Variants in FANCI observed in about 807,000 individuals in gnomAD.
FANCI encodes Fanconi anemia group I protein.
Under a neutral mutation model 176.1 loss-of-function variants are expected in FANCI, and 156 were observed. The ratio of observed to expected loss-of-function variants is 0.89; its 90% CI spans 0.78 to 1.01. The LOEUF (loss-of-function observed/expected upper bound fraction) is 1.01, where lower values mean the gene tolerates loss of function less well. FANCI is among the 50% of genes least tolerant of loss of function. The pLI is 0.00. For missense variants in FANCI, 1,678 were observed against 1,534.1 expected (o/e 1.09, Z -1.57); for synonymous variants, 613 against 541.7 (o/e 1.13, Z -1.83).
intron 34 of FANCI, among the ~76,000 whole-genome samples, chr15:89,312,393 C>T (rs962527257): frequency 1.3e-5 from 2 of 152,218 alleles, no homozygotes; most frequent in Admixed American, 6.5e-5. Flanking sequence ...AACCTCTCAA[C>T]AACTAAAAAA....
At chr15:89,273,224 AG>A (rs1180524736) in intron 10 of FANCI, among the ~76,000 whole-genome samples, 152 bp from the exon 11 acceptor site, 1 of 151,112 alleles carries the variant, frequency 6.6e-6, no homozygotes, top group Admixed American at 6.6e-5. Context: ...GGATCCGTTG[AG>A]CCTGGGAAAT....
chr15:89,300,117 C>T (rs1193916176), intron 25 of FANCI, 151 bp downstream of exon 25: 4 of 1,036,372 alleles, frequency 3.9e-6, no homozygotes, highest in Non-Finnish European at 6.0e-6. Flanking sequence ...TTGGTACCTA[C>T]TGGATTACAT....
Position 89,282,976 on chromosome 15 carries a change from C to G in FANCI, c.1584-160C>G. ...CTGTACTATAAATTGCTTTGAACAG[C>G]TGATACCTTATTTTGAGTACATAAA... On this transcript the variant is annotated intron_variant, in intron 16 of 37. Coordinates refer to ENST00000310775, the MANE Select transcript of FANCI (RefSeq NM_001113378.2). 8.2e-6 allele frequency: 6 copies of G among 729,214 alleles called. No individual in the cohort carries two copies. In the Middle Eastern group the frequency reaches 1.4e-3, roughly 167 times the overall value. The allele number at this position is 729,214 out of a possible 1,614,324, so 45.2% of individuals were successfully genotyped here.
rs2053317932 is a variant in FANCI, at chr15:89,274,197, A to G, written c.1005A>G (p.Val335=). ...TTGATCTTTTAAAGACTTCGGTTGTAAAGAGCTTTAAGGATCTTCAACTCC... is the reference window on the plus strand; with the variant it reads ...TTGATCTTTTAAAGACTTCGGTTGTGAAGAGCTTTAAGGATCTTCAACTCC... ...QVLDLLKTSV[V]KSFKDLQLLQ... Residue 335 remains valine (V), a synonymous_variant, in exon 12 of 38, where the codon GTA becomes GTG. Coordinates refer to ENST00000310775, the MANE Select transcript of FANCI (RefSeq NM_001113378.2). 1 of 1,592,386 alleles carries G rather than the reference A, an allele frequency of 6.3e-7. No homozygotes were observed. Among genetic ancestry groups the G allele is most frequent in the Non-Finnish European group, 8.6e-7 (1 of 1,168,182 alleles).
intron 17 of FANCI, among the ~76,000 whole-genome samples, chr15:89,284,579 A>G (rs1162273345): frequency 1.3e-5 from 2 of 152,234 alleles, no homozygotes; most frequent in Non-Finnish European, 2.9e-5. Context: ...TATGAACTAC[A>G]TTACTGTGAT....
chr15:89,245,140 TAAC>T (rs72001062), intron 1 of FANCI: 10,158 of 150,796 alleles, frequency 0.067, 1,122 homozygotes, highest in African/African-American at 0.23. Context: ...GGGGAACGTT[TAAC>T]AACCTATACT....
chr15:89,274,064 G>A, intron 11 of FANCI, 104 bp from the exon 12 acceptor site: 1 of 853,496 alleles, frequency 1.2e-6, no homozygotes, highest in East Asian at 2.7e-5. Flanking sequence ...TTTATAGCAT[G>A]AGCTATATAA....
chr15:89,280,881 TAAG>T (rs976030065), intron 14 of FANCI, among the ~76,000 whole-genome samples: 4 of 152,228 alleles, frequency 2.6e-5, no homozygotes, highest in South Asian at 4.1e-4. Context: ...AGCTTAGAAG[TAAG>T]AAGATGTGTG....
chr15:89,269,532 T>C (rs958444988), intron 10 of FANCI, among the ~76,000 whole-genome samples: 1 of 152,192 alleles, frequency 6.6e-6, no homozygotes, highest in African/African-American at 2.4e-5. Context: ...TCCCACATTT[T>C]TGGATTTATC....
chr15:89,260,644 G>A, intron 3 of FANCI, 69 bp from the exon 4 acceptor site: 2 of 1,587,690 alleles, frequency 1.3e-6, no homozygotes, highest in South Asian at 2.2e-5. Context: ...CTACAAACCT[G>A]TTCGTTTTTC....
chr15:89,252,807 C>T (rs1346374422), intron 2 of FANCI, among the ~76,000 whole-genome samples: 1 of 152,182 alleles, frequency 6.6e-6, no homozygotes, highest in African/African-American at 2.4e-5. Context: ...TGAAACACTT[C>T]TGAAGGACAA....
intron 37 of FANCI, 25 bp from the exon 38 acceptor site, chr15:89,316,372 G>C (rs372128793): frequency 1.2e-6 from 2 of 1,603,958 alleles, no homozygotes; most frequent in Non-Finnish European, 1.7e-6. Context: ...TATCACGTTA[G>C]AGCATTAATT....
At chr15:89,266,858 TA>T (rs1248357202) in intron 9 of FANCI, among the ~76,000 whole-genome samples, 1 of 152,050 alleles carries the variant, frequency 6.6e-6, no homozygotes, top group Non-Finnish European at 1.5e-5. Context: ...TTTTTTTTTT[TA>T]ATTAGCTCAC....
rs149517131 is a variant in FANCI, at chr15:89,284,111, C to CT, written c.1698+864dup. 2.1e-3 allele frequency among the ~76,000 whole-genome samples: 327 copies of CT among 152,230 alleles called. 1 individual carries two copies. Among genetic ancestry groups the CT allele is most frequent in the Admixed American group, 4.4e-3 (67 of 15,278 alleles). ...CGGTGCTAGATATTGTGCCAAAATG[C>CT]TTTACATTTATTATCTCATTTAATC... is the stretch of plus-strand genomic sequence containing the variant. On this transcript the variant is annotated intron_variant, in intron 17 of 37. Coordinates refer to ENST00000310775, the MANE Select transcript of FANCI (RefSeq NM_001113378.2).
rs1567170286 is a variant in FANCI, at chr15:89,299,836, A to T, written c.2673A>T (p.Ser891=). 3.7e-6 allele frequency: 6 copies of T among 1,613,820 alleles called. No homozygotes were observed. Among genetic ancestry groups the T allele is most frequent in the Non-Finnish European group, 5.1e-6 (6 of 1,179,958 alleles). Residue 891 remains serine (S), a synonymous_variant, in exon 25 of 38, where the codon TCA becomes TCT. Transcript: ENST00000310775. ...LLWRYTSIPT[S]VEESGKKEKG... Reference sequence around the variant, plus strand: ...GGAGATACACTTCAATTCCTACTTCAGTGGAAGAGTCGGGAAAGAAAGAGA... The same window carrying T: ...GGAGATACACTTCAATTCCTACTTCTGTGGAAGAGTCGGGAAAGAAAGAGA...
intron 1 of FANCI, among the ~76,000 whole-genome samples, chr15:89,246,915 G>A (rs1306717913): frequency 6.6e-6 from 1 of 151,234 alleles, no homozygotes; most frequent in African/African-American, 2.4e-5. Flanking sequence ...ATAGGCGCCC[G>A]CCACCACGCC....
intron 34 of FANCI, among the ~76,000 whole-genome samples, chr15:89,310,632 A>G (rs1298328190): frequency 6.6e-6 from 1 of 152,248 alleles, no homozygotes; most frequent in South Asian, 2.1e-4. Context: ...CCCCTGGGCA[A>G]GAGCCCATGC....
intron 12 of FANCI, among the ~76,000 whole-genome samples, chr15:89,274,855 T>C (rs945163732): frequency 6.6e-6 from 1 of 152,122 alleles, no homozygotes; most frequent in Admixed American, 6.5e-5. Context: ...TCCACCTGCC[T>C]TGGCCTCCCA....
intron 34 of FANCI, among the ~76,000 whole-genome samples, chr15:89,309,687 T>C (rs1341548237): frequency 6.6e-6 from 1 of 152,202 alleles, no homozygotes; most frequent in Non-Finnish European, 1.5e-5. Flanking sequence ...CATGCCACTG[T>C]ACTCCAAGGC....
Sources: gnomAD v4.1 joint callset for allele counts (sites outside exome capture counted in the v4.1 genomes callset) on GRCh38, gnomAD v4.1.1 for gene constraint, MANE v1.5 for transcripts, NCBI Gene and HGNC (gene_info 2026-07-23, HGNC 2026-07-21) for gene names.